The following CACNA1C variants were observed in gnomAD, a reference collection of about 807,000 sequenced individuals.
CACNA1C encodes the protein voltage-dependent L-type calcium channel subunit alpha-1C.
CACNA1C carries 30 observed loss-of-function variants against 229.0 expected under a neutral mutation model. The ratio of observed to expected loss-of-function variants is 0.13; its 90% CI spans 0.10 to 0.18. The LOEUF is 0.18. Ranked by LOEUF, CACNA1C falls within the 10% of genes least tolerant of loss-of-function variation. CACNA1C has a pLI of 1.00. For synonymous variants in CACNA1C, 1,114 were observed against 1,132.5 expected, an observed-to-expected ratio of 0.98 and a Z score of 0.33; for missense variants, 1,658 against 2,845.0, an observed-to-expected ratio of 0.58 and a Z score of 9.49.
intron 3 of CACNA1C, among the ~76,000 whole-genome samples, chr12:2,148,865 C>G (rs532924572): frequency 8.5e-5 from 13 of 152,298 alleles, no homozygotes; most frequent in African/African-American, 3.1e-4. Context: ...TTCCTTGGCT[C>G]TATGCACTAC....
chr12:2,335,973 T>G (rs1050793125), intron 3 of CACNA1C, among the ~76,000 whole-genome samples: 1 of 151,472 alleles, frequency 6.6e-6, no homozygotes, highest in Non-Finnish European at 1.5e-5. Context: ...GCTATAAAAT[T>G]TTAATATAGG....
intron 9 of CACNA1C, among the ~76,000 whole-genome samples, chr12:2,513,950 A>G (rs951365829): frequency 2.6e-5 from 4 of 152,180 alleles, no homozygotes; most frequent in East Asian, 1.9e-4. Context: ...TGTGACTCGA[A>G]TCATACTCTT....
intron 1 of CACNA1C, among the ~76,000 whole-genome samples, chr12:2,023,049 G>A (rs1170734364): frequency 6.6e-6 from 1 of 152,004 alleles, no homozygotes; most frequent in Non-Finnish European, 1.5e-5. Flanking sequence ...TTCTTAATAA[G>A]TTTTGAACAG....
chr12:2,355,045 G>A (rs960661986), intron 3 of CACNA1C, among the ~76,000 whole-genome samples: 7 of 152,174 alleles, frequency 4.6e-5, no homozygotes, highest in African/African-American at 1.7e-4. Flanking sequence ...GTGTAAGGTT[G>A]GATATTAAAC....
intron 1 of CACNA1C, among the ~76,000 whole-genome samples, chr12:2,006,506 A>T (rs1035708055): frequency 6.6e-6 from 1 of 152,270 alleles, no homozygotes; most frequent in African/African-American, 2.4e-5. Context: ...TAAACCATTT[A>T]TCTAGCATTA....
intron 1 of CACNA1C, among the ~76,000 whole-genome samples, chr12:2,035,083 GTGCGCGGAGA>G (rs1413521007): frequency 6.6e-6 from 1 of 152,224 alleles, no homozygotes; most frequent in Non-Finnish European, 1.5e-5. Flanking sequence ...CCCCCTGCTG[GTGCGCGGAGA>G]TGCGCGGAGA....
At chr12:2,533,577 TC>T (rs2099846048) in intron 9 of CACNA1C, among the ~76,000 whole-genome samples, 1 of 152,128 alleles carries the variant, frequency 6.6e-6, no homozygotes. Flanking sequence ...CCATCTGCCC[TC>T]CCAGGGAAGG....
chr12:2,434,183 A>G (rs1339867887), intron 3 of CACNA1C, among the ~76,000 whole-genome samples: 1 of 152,058 alleles, frequency 6.6e-6, no homozygotes, highest in Non-Finnish European at 1.5e-5. Context: ...CTATCTGTAT[A>G]GGTTGTTTGT....
intron 3 of CACNA1C, among the ~76,000 whole-genome samples, chr12:2,400,415 T>A (rs57209927): frequency 0.098 from 14,838 of 152,138 alleles, 808 homozygotes; most frequent in Middle Eastern, 0.16. Context: ...ACCTACCAAG[T>A]TCTCATTAGG....
At chr12:2,623,680 G>A (rs1370092771) in intron 29 of CACNA1C, among the ~76,000 whole-genome samples, 1 of 152,142 alleles carries the variant, frequency 6.6e-6, no homozygotes, top group Non-Finnish European at 1.5e-5. Flanking sequence ...CCTTCCAAAT[G>A]CTAGCCCAGG....
At chr12:2,240,611 C>T (rs1053616408) in intron 3 of CACNA1C, among the ~76,000 whole-genome samples, 2 of 152,202 alleles carry the variant, frequency 1.3e-5, no homozygotes, top group East Asian at 1.9e-4. Context: ...GGGAGGCCAG[C>T]GTCAGCGTTG....
intron 1 of CACNA1C, among the ~76,000 whole-genome samples, chr12:2,112,527 G>A (rs1405042809): frequency 6.6e-6 from 1 of 152,184 alleles, no homozygotes; most frequent in Non-Finnish European, 1.5e-5. Context: ...GAGAGTCGGT[G>A]TCACATTGAG....
chr12:2,537,068 G>A (rs1034338875), intron 9 of CACNA1C, among the ~76,000 whole-genome samples: 7 of 152,236 alleles, frequency 4.6e-5, no homozygotes, highest in East Asian at 3.9e-4. Context: ...CAGAGGAGCC[G>A]GCAGGGAGGC....
chr12:2,591,924 G>A (rs1446922049), intron 18 of CACNA1C, among the ~76,000 whole-genome samples: 1 of 152,152 alleles, frequency 6.6e-6, no homozygotes, highest in Admixed American at 6.5e-5. Flanking sequence ...TCTTCACATG[G>A]CCTTCTTCCC....
At chr12:2,628,309 C>A (rs1156737780) in intron 29 of CACNA1C, among the ~76,000 whole-genome samples, 1 of 152,216 alleles carries the variant, frequency 6.6e-6, no homozygotes. Context: ...TTCTAAGAAC[C>A]TAGCAGTTAA....
At chr12:2,042,461 AT>A (rs1204153226) in intron 1 of CACNA1C, among the ~76,000 whole-genome samples, 8 of 152,206 alleles carry the variant, frequency 5.3e-5, no homozygotes, top group Non-Finnish European at 1.2e-4. Flanking sequence ...TTAATATAAA[AT>A]GTACCAGAAA....
At position 2,361,365 on chromosome 12, in the gene CACNA1C, G is replaced by A. The variant is rs182388929; in HGVS notation, c.478-87611G>A. Among the ~76,000 whole-genome samples the A allele has an allele frequency of 3.3e-5, 5 of 152,280 alleles. No individual in the cohort carries two copies. In the East Asian group the frequency reaches 9.7e-4, roughly 29 times the overall value. ...CCTAGACTGTAATAGACTTTCCAGTGTCCTGCATGGCCAGGTGAGCTCTGG... is the reference window on the plus strand; with the variant it reads ...CCTAGACTGTAATAGACTTTCCAGTATCCTGCATGGCCAGGTGAGCTCTGG... On this transcript the variant is annotated intron_variant, in intron 3 of 46. Coordinates refer to ENST00000399655, the MANE Select transcript of CACNA1C (RefSeq NM_000719.7).
Position 2,410,277 on chromosome 12 carries a change from C to G in CACNA1C, c.478-38699C>G, listed in dbSNP as rs2098792532. Reference sequence around the variant, plus strand: ...AGCTCGTCGCCGGGCACCGTTTTAGCAGCCCCACCACCCATTTTTGGAAAC... The same window carrying G: ...AGCTCGTCGCCGGGCACCGTTTTAGGAGCCCCACCACCCATTTTTGGAAAC... On this transcript the variant is annotated intron_variant, in intron 3 of 46. Coordinates refer to ENST00000399655, the MANE Select transcript of CACNA1C (RefSeq NM_000719.7). This position sits in a 1 kb window ranked among gnomAD's most constrained non-coding sequence, Gnocchi z 5.3. 6.6e-6 allele frequency among the ~76,000 whole-genome samples: 1 copy of G among 152,142 alleles called. No homozygotes were observed. The highest frequency in any genetic ancestry group is 1.9e-4 in the East Asian group (1 of 5,164).
intron 3 of CACNA1C, among the ~76,000 whole-genome samples, chr12:2,247,448 C>T (rs555411247): frequency 1.2e-4 from 19 of 152,362 alleles, no homozygotes; most frequent in African/African-American, 3.6e-4. Flanking sequence ...GGAAATTCCT[C>T]ACAGCTTTCT....
Sources: allele counts gnomAD v4.1 joint callset (sites outside exome capture counted in the v4.1 genomes callset), GRCh38; gene constraint gnomAD v4.1.1; non-coding constraint Gnocchi (gnomAD v3.1); transcripts MANE v1.5; gene names NCBI Gene and HGNC (gene_info 2026-07-23, HGNC 2026-07-21).